The following ASPH variants were observed in gnomAD, a reference collection of about 807,000 sequenced individuals.
ASPH encodes aspartyl/asparaginyl beta-hydroxylase.
In ASPH, 100 loss-of-function variants were observed where a neutral mutation model predicts 118.4. The ratio of observed to expected loss-of-function variants is 0.84; its 90% CI spans 0.72 to 1.00. ASPH has a LOEUF of 1.00. Among genes scored for constraint, ASPH ranks in the 50% least tolerant of loss-of-function variants. The pLI, the probability that ASPH is intolerant of heterozygous loss-of-function variation, is 0.00. For synonymous variants in ASPH, 315 were observed against 325.6 expected (o/e 0.97, Z 0.35); for missense variants, 920 against 919.5 (o/e 1.00, Z -0.01).
intron 3 of ASPH, chr8:61,657,338 T>C (rs1814267813): frequency 6.6e-6 from 1 of 152,100 alleles, no homozygotes; most frequent in Non-Finnish European, 1.5e-5. Context: ...AAATGTGCCA[T>C]TAGGAAATTT....
chr8:61,617,298 A>T (rs1849377168), intron 14 of ASPH, among the ~76,000 whole-genome samples: 1 of 152,206 alleles, frequency 6.6e-6, no homozygotes, highest in South Asian at 2.1e-4. Flanking sequence ...TGAGAAAAGC[A>T]AACAGTAGAG....
intron 1 of ASPH, among the ~76,000 whole-genome samples, chr8:61,711,990 T>C (rs576922916): frequency 1.3e-5 from 2 of 152,146 alleles, no homozygotes; most frequent in Non-Finnish European, 2.9e-5. Context: ...TCAACTCCAA[T>C]TACATACTAG....
In ASPH at chr8:61,584,376, A is replaced by G. The variant is rs980291702; in HGVS notation, c.977-347T>C. ...TCTACTTCTTGGCTATGTCCAAAAG[A>G]TTGTTTAAAATAGTTTTTTTGAATA... On this transcript the variant is annotated intron_variant, in intron 14 of 24. Transcript: ENST00000379454. Among the ~76,000 whole-genome samples the G allele has an allele frequency of 7.9e-5, 12 of 152,320 alleles. No homozygotes were observed. In the East Asian group the frequency reaches 2.1e-3, roughly 27 times the overall value.
chr8:61,651,122 G>T lies in ASPH; in HGVS notation c.418C>A (p.Pro140Thr). 1 of 1,613,318 alleles carries T rather than the reference G, an allele frequency of 6.2e-7. No individual in the cohort carries two copies. Among genetic ancestry groups the T allele is most frequent in the Non-Finnish European group, 8.5e-7 (1 of 1,179,702 alleles). The change falls in exon 5 of 25, where the codon CCC becomes ACC. Residue 140 changes from proline to threonine, a missense_variant and splice_region_variant. Transcript: ENST00000379454. Reference protein sequence around the residue: ...PEEQVPVEAEPQNIEDEAKEQ... With the variant: ...PEEQVPVEAETQNIEDEAKEQ... ...TTTGCTTCATCTTCGATATTCTGGG[G>T]TTCTAAAATAATTGCAAAACATAGC...
At chr8:61,661,705 T>C in intron 3 of ASPH, 1 of 330,322 alleles carries the variant, frequency 3.0e-6, no homozygotes, top group East Asian at 4.1e-5. Context: ...CTATGGGGAA[T>C]CTTTATTATC....
chr8:61,547,973 A>G, intron 21 of ASPH, 98 bp downstream of exon 21: 2 of 1,435,264 alleles, frequency 1.4e-6, no homozygotes, highest in Non-Finnish European at 1.9e-6. Flanking sequence ...AATAAAATCT[A>G]TCTCTTCCCT....
At chr8:61,637,888 G>T in intron 12 of ASPH, 59 bp downstream of exon 12, 1 of 1,493,102 alleles carries the variant, frequency 6.7e-7, no homozygotes, top group South Asian at 1.2e-5. Context: ...ATAAATAACT[G>T]AATAAACAAA....
chr8:61,565,026 T>C (rs866295999), intron 17 of ASPH, among the ~76,000 whole-genome samples: 2 of 152,222 alleles, frequency 1.3e-5, no homozygotes, highest in Admixed American at 6.5e-5. Context: ...ATCGTGAAGT[T>C]AGCTAACAGC....
chr8:61,550,167 TA>T (rs1223469227), intron 20 of ASPH, among the ~76,000 whole-genome samples: 1 of 151,868 alleles, frequency 6.6e-6, no homozygotes, highest in Admixed American at 6.6e-5. Flanking sequence ...GAGTGCTTTT[TA>T]AAAAAAACCT....
Position 61,714,311 on chromosome 8 carries a change from C to G in ASPH, c.61G>C (p.Gly21Arg), listed in dbSNP as rs1322483666. Residue 21 changes from glycine (G) to arginine (R), a missense_variant, in exon 1 of 25, where the codon GGT becomes CGT. By Grantham distance (125) the Gly-to-Arg change is moderately radical. Transcript: ENST00000379454. The stretch of plus-strand genomic sequence containing the variant: ...CTGCTGCTGCCCGCACTCGTGCTAC[C>G]GCTGCCGGAGCCGCTGCTGCTGCTG... ...GNSSSSGSGS[G>R]STSAGSSSPG... The G allele has an allele frequency of 4.6e-6, 7 of 1,522,530 alleles. No individual in the cohort carries two copies. Among genetic ancestry groups the G allele is most frequent in the Admixed American group, 2.1e-5 (1 of 48,364 alleles). The allele number at this position is 1,522,530 out of a possible 1,614,324, so 94.3% of individuals were successfully genotyped here.
intron 16 of ASPH, among the ~76,000 whole-genome samples, chr8:61,573,214 G>C (rs1833987676): frequency 6.6e-6 from 1 of 152,146 alleles, no homozygotes; most frequent in Admixed American, 6.5e-5. Flanking sequence ...AATCAGAGAG[G>C]ACACAAACAA....
chr8:61,615,593 C>A (rs561446459), intron 14 of ASPH, among the ~76,000 whole-genome samples: 71 of 152,266 alleles, frequency 4.7e-4, no homozygotes, highest in Admixed American at 1.1e-3. Context: ...ACACGAATGA[C>A]TGTTTGAATT....
rs1277165680 is a variant in ASPH at position 61,583,925 on chromosome 8, A to G, written c.1062+19T>C. ...GTTTATTTAACAACAAAACCATTGC[A>G]CAAAAAATATCAACCTACCCTTTTA... is the stretch of plus-strand genomic sequence containing the variant. On this transcript the variant is annotated intron_variant, in intron 15 of 24. Transcript: ENST00000379454. 4 of 1,514,660 alleles carry G rather than the reference A, an allele frequency of 2.6e-6. No homozygotes were observed. The African/African-American group carries it at 5.6e-5, about 21-fold the overall frequency. The allele number at this position is 1,514,660 out of a possible 1,614,324, so 93.8% of individuals were successfully genotyped here.
chr8:61,646,920 G>A (rs201805083), intron 5 of ASPH, 42 bp from the exon 6 acceptor site: 8 of 1,611,682 alleles, frequency 5.0e-6, no homozygotes, highest in Middle Eastern at 1.7e-4. Flanking sequence ...ATACAACTGA[G>A]ACATGAAAGC....
chr8:61,697,938 G>C (rs1309525739), intron 1 of ASPH, among the ~76,000 whole-genome samples: 1 of 151,838 alleles, frequency 6.6e-6, no homozygotes, highest in Non-Finnish European at 1.5e-5. Context: ...CCACAGGCAT[G>C]CACCGCCATA....
chr8:61,516,850 A>G (rs1811095648), intron 24 of ASPH, among the ~76,000 whole-genome samples: 2 of 152,190 alleles, frequency 1.3e-5, no homozygotes, highest in African/African-American at 4.8e-5. Flanking sequence ...GGAAAGTAAC[A>G]CGCAAGGGAG....
rs199850190 is a variant in ASPH, at chr8:61,548,243, C to G, written c.1627-35G>C. On this transcript the variant is annotated intron_variant, in intron 20 of 24. Coordinates refer to ENST00000379454, the MANE Select transcript of ASPH (RefSeq NM_004318.4). ...CAGAAAGAATGTGCTCCAAACTGTT[C>G]CTTCAACAGAGCATTTTTATTAATT... 2,604 of 1,557,028 alleles carry G rather than the reference C, an allele frequency of 1.7e-3. 4 individuals are homozygous for G. Among genetic ancestry groups the G allele is most frequent in the Non-Finnish European group, 1.9e-3 (2,205 of 1,151,412 alleles).
intron 19 of ASPH, among the ~76,000 whole-genome samples, chr8:61,554,036 T>TC (rs1457772692): frequency 6.6e-6 from 1 of 152,210 alleles, no homozygotes; most frequent in Non-Finnish European, 1.5e-5. Flanking sequence ...CACTCAAGTG[T>TC]CCTTGCTTGA....
chr8:61,665,472 G>C (rs1252831104), intron 3 of ASPH: 1 of 1,571,246 alleles, frequency 6.4e-7, no homozygotes, highest in East Asian at 2.4e-5. Flanking sequence ...TTCCTGGATA[G>C]GTCTGCATCA....
Sources: gnomAD v4.1 joint callset for allele counts (sites outside exome capture counted in the v4.1 genomes callset) on GRCh38, gnomAD v4.1.1 for gene constraint, MANE v1.5 for transcripts, NCBI Gene and HGNC (gene_info 2026-07-23, HGNC 2026-07-21) for gene names.